SOX6: variants seen among roughly 807,000 people sequenced by gnomAD.
The protein encoded by SOX6 is transcription factor SOX-6.
Under a neutral mutation model 97.8 loss-of-function variants are expected in SOX6, and 11 were observed. The observed-to-expected ratio is 0.11, with a 90% CI of 0.07 to 0.19. The LOEUF (loss-of-function observed/expected upper bound fraction) is 0.19. SOX6 is among the 10% of genes least tolerant of loss of function. The pLI is 1.00. For missense variants in SOX6, 810 were observed against 1,039.5 expected, an observed-to-expected ratio of 0.78 and a Z score of 3.04; for synonymous variants, 360 against 371.4, an observed-to-expected ratio of 0.97 and a Z score of 0.35.
intron 2 of SOX6, among the ~76,000 whole-genome samples, chr11:16,322,316 A>C (rs916997969): frequency 6.6e-6 from 1 of 152,042 alleles, no homozygotes; most frequent in Admixed American, 6.6e-5. Context: ...TCTGGTTGTT[A>C]AAAAGTGTGT....
At chr11:16,427,984 A>C (rs1859185756) in intron 1 of SOX6, among the ~76,000 whole-genome samples, 1 of 152,152 alleles carries the variant, frequency 6.6e-6, no homozygotes, top group Non-Finnish European at 1.5e-5. Flanking sequence ...CATCCTCTCC[A>C]GCACCTGTTG....
At chr11:16,466,809 T>C (rs935796960) in intron 1 of SOX6, among the ~76,000 whole-genome samples, 1 of 148,216 alleles carries the variant, frequency 6.7e-6, no homozygotes, top group Non-Finnish European at 1.5e-5. Context: ...CGGGCGCCTG[T>C]AGTCCCAGCT....
chr11:16,497,205 AG>A (rs1250245925), intron 4 of SOX6, among the ~76,000 whole-genome samples: 1 of 152,216 alleles, frequency 6.6e-6, no homozygotes, highest in East Asian at 1.9e-4. Flanking sequence ...CCAGGCAAAC[AG>A]GGACTAGAGT....
intron 13 of SOX6, among the ~76,000 whole-genome samples, chr11:16,008,720 A>G (rs1854628190): frequency 6.6e-6 from 1 of 152,106 alleles, no homozygotes; most frequent in South Asian, 2.1e-4. Context: ...CTTTAAGAGA[A>G]GTTTATTTGC....
At chr11:16,653,462 GC>G (rs1290993700) in intron 3 of SOX6, among the ~76,000 whole-genome samples, 2 of 152,112 alleles carry the variant, frequency 1.3e-5, no homozygotes, top group Non-Finnish European at 2.9e-5. Flanking sequence ...TGAAATGATG[GC>G]ATTCACAGCA....
intron 6 of SOX6, among the ~76,000 whole-genome samples, chr11:16,134,112 A>T (rs1849892547): frequency 6.6e-6 from 1 of 152,232 alleles, no homozygotes; most frequent in Non-Finnish European, 1.5e-5. Flanking sequence ...ACATGCATTA[A>T]CACATTTAAT....
At chr11:16,123,790 T>C (rs1849547790) in intron 6 of SOX6, among the ~76,000 whole-genome samples, 1 of 152,100 alleles carries the variant, frequency 6.6e-6, no homozygotes, top group African/African-American at 2.4e-5. Flanking sequence ...AATTTAATTT[T>C]ATACTTTTAT....
intron 3 of SOX6, among the ~76,000 whole-genome samples, chr11:16,648,318 C>G (rs1266759182): frequency 1.3e-5 from 2 of 152,062 alleles, no homozygotes; most frequent in African/African-American, 4.8e-5. Flanking sequence ...GAATCACCCC[C>G]CAACCCTCAC....
intron 4 of SOX6, among the ~76,000 whole-genome samples, chr11:16,549,123 T>C (rs1456364657): frequency 5.3e-5 from 8 of 152,136 alleles, no homozygotes. Flanking sequence ...AAAGCACATT[T>C]AAAACTTAAT....
chr11:16,412,583 G>A (rs1273680252), intron 1 of SOX6, among the ~76,000 whole-genome samples: 1 of 152,098 alleles, frequency 6.6e-6, no homozygotes, highest in Non-Finnish European at 1.5e-5. Flanking sequence ...AGATCAGCCT[G>A]GGCAATACTA....
rs180817031 is a variant in SOX6 at position 16,012,668 on chromosome 11, T to G, written c.1732+2274A>C. 1.5e-3 allele frequency among the ~76,000 whole-genome samples: 233 copies of G among 152,112 alleles called. 1 individual carries two copies. The highest frequency in any genetic ancestry group is 5.5e-3 in the African/African-American group (227 of 41,540). On this transcript the variant is annotated intron_variant, in intron 13 of 15. Transcript: ENST00000683767. ...TCAGAAAAATGAAGGGACCACGTGT[T>G]TCTGCATAAACAGTGGGGGCAGTAT...
intron 3 of SOX6, among the ~76,000 whole-genome samples, chr11:16,249,094 C>CT (rs892204756): frequency 1.5e-4 from 8 of 54,656 alleles, no homozygotes; most frequent in Non-Finnish European, 2.6e-4. Context: ...GAGGCTCTGT[C>CT]TCAAAAAAAA....
intron 3 of SOX6, among the ~76,000 whole-genome samples, chr11:16,616,173 T>A (rs1169566779): frequency 1.3e-5 from 2 of 152,128 alleles, no homozygotes; most frequent in African/African-American, 2.4e-5. Context: ...ATATCATTCA[T>A]TATACATTTT....
chr11:16,533,692 G>C (rs1861267680), intron 4 of SOX6, among the ~76,000 whole-genome samples: 1 of 151,972 alleles, frequency 6.6e-6, no homozygotes, highest in Non-Finnish European at 1.5e-5. Flanking sequence ...AGGAGAGAGA[G>C]AGATAATAAA....
chr11:16,008,666 A>G (rs1854626852), intron 13 of SOX6, among the ~76,000 whole-genome samples: 1 of 152,110 alleles, frequency 6.6e-6, no homozygotes, highest in Non-Finnish European at 1.5e-5. Flanking sequence ...TTCTACCAAC[A>G]TTAAAAGTTA....
intron 1 of SOX6, among the ~76,000 whole-genome samples, chr11:16,373,497 A>G (rs78701065): frequency 6.6e-6 from 1 of 152,032 alleles, no homozygotes; most frequent in African/African-American, 2.4e-5. Context: ...AATATTAGAT[A>G]GTTCTTATCA....
intron 4 of SOX6, among the ~76,000 whole-genome samples, chr11:16,196,883 G>C (rs1851794190): frequency 7.0e-6 from 1 of 142,472 alleles, no homozygotes; most frequent in African/African-American, 2.6e-5. Flanking sequence ...ACCCAGGCTG[G>C]AGTGCAGTGG....
chr11:16,484,691 C>G (rs574978652), intron 4 of SOX6: 2 of 604,798 alleles, frequency 3.3e-6, no homozygotes, highest in Non-Finnish European at 6.0e-6. Flanking sequence ...GCTCCCCAGA[C>G]TCCCACCCAG....
chr11:16,250,868 C>A lies in SOX6; in HGVS notation c.446-16197G>T, dbSNP rs764474733. Among the ~76,000 whole-genome samples the A allele has an allele frequency of 4.1e-4, 62 of 152,062 alleles. 1 individual carries two copies. The highest frequency in any genetic ancestry group is 3.8e-3 in the Middle Eastern group (1 of 262). On this transcript the variant is annotated intron_variant, in intron 3 of 15. Transcript: ENST00000683767. Reference sequence around the variant, plus strand: ...TTACACTCAACAATTACAAAATATACATTTTGTTCAAGTGCACATAGAAAA... The same window carrying A: ...TTACACTCAACAATTACAAAATATAAATTTTGTTCAAGTGCACATAGAAAA...
Sources: gnomAD v4.1 joint callset for allele counts (sites outside exome capture counted in the v4.1 genomes callset) on GRCh38, gnomAD v4.1.1 for gene constraint, MANE v1.5 for transcripts, NCBI Gene and HGNC (gene_info 2026-07-23, HGNC 2026-07-21) for gene names.